LINGO2: variants seen among roughly 807,000 people sequenced by gnomAD.
LINGO2 encodes leucine rich repeat and Ig domain containing 2.
A neutral mutation model predicts 30.6 loss-of-function variants in LINGO2; 14 were observed. That is an observed-to-expected ratio of 0.46 (90% confidence interval 0.30 to 0.72). The LOEUF (loss-of-function observed/expected upper bound fraction) is 0.72, where lower values mean the gene tolerates loss of function less well. Among genes scored for constraint, LINGO2 ranks in the 30% least tolerant of loss-of-function variants. The pLI is 0.07. For missense variants in LINGO2, 729 were observed against 751.7 expected (o/e 0.97, Z 0.35); for synonymous variants, 317 against 288.5 (o/e 1.10, Z -1.00).
chr9:28,340,499 CA>C (rs1825733065), intron 3 of LINGO2, among the ~76,000 whole-genome samples: 1 of 152,036 alleles, frequency 6.6e-6, no homozygotes, highest in Non-Finnish European at 1.5e-5. Context: ...ACATATATCA[CA>C]CTAAAATAAA....
chr9:28,556,585 A>G (rs2135529724), intron 1 of LINGO2, among the ~76,000 whole-genome samples: 1 of 152,280 alleles, frequency 6.6e-6, no homozygotes, highest in African/African-American at 2.4e-5. Flanking sequence ...GGTCATTTAC[A>G]GATTCAATGC....
the LINGO2 span, among the ~76,000 whole-genome samples, chr9:29,082,126 C>A: frequency 2.0e-5 from 3 of 151,878 alleles, no homozygotes; most frequent in Admixed American, 6.6e-5. Context: ...GCCAAGTCAA[C>A]CCTAAGCCAA....
At chr9:28,529,029 G>C (rs1821131058) in intron 1 of LINGO2, among the ~76,000 whole-genome samples, 1 of 152,046 alleles carries the variant, frequency 6.6e-6, no homozygotes, top group Non-Finnish European at 1.5e-5. Context: ...GTATTAGTTA[G>C]AATAATTCTA....
chr9:28,245,879 A>G (rs1821979312), intron 4 of LINGO2, among the ~76,000 whole-genome samples: 1 of 152,222 alleles, frequency 6.6e-6, no homozygotes, highest in African/African-American at 2.4e-5. Flanking sequence ...AAAATAATTT[A>G]TAGATTGAAT....
chr9:28,440,232 G>C (rs894220712), intron 2 of LINGO2, among the ~76,000 whole-genome samples: 23 of 152,156 alleles, frequency 1.5e-4, no homozygotes, highest in African/African-American at 5.5e-4. Context: ...TGGAATTCAG[G>C]ATGCTGAAAA....
chr9:28,898,999 G>A, the LINGO2 span, among the ~76,000 whole-genome samples: 4 of 152,154 alleles, frequency 2.6e-5, no homozygotes, highest in Non-Finnish European at 4.4e-5. Context: ...AGCAATAGGT[G>A]GAGTAGGACC....
rs532900830 is a variant in LINGO2, at chr9:28,399,804, T to C, written c.-278-26936A>G. On this transcript the variant is annotated intron_variant, in intron 2 of 5. Transcript: ENST00000379992. ...TGGGATTTGATTTACAGATGTTTAA[T>C]GTTCATTCTATTTTCAGTTCTAAGA... Among the ~76,000 whole-genome samples, 12 of 152,322 alleles carry C rather than the reference T, an allele frequency of 7.9e-5. No homozygotes were observed. In the South Asian group the frequency reaches 2.5e-3, roughly 32 times the overall value.
chr9:27,966,979 C>G (rs1405410789), intron 5 of LINGO2, among the ~76,000 whole-genome samples: 1 of 152,094 alleles, frequency 6.6e-6, no homozygotes, highest in Non-Finnish European at 1.5e-5. Flanking sequence ...TCGATTGTTC[C>G]ATGAAAAACT....
the LINGO2 span, among the ~76,000 whole-genome samples, chr9:28,808,029 A>G: frequency 2.0e-5 from 3 of 152,214 alleles, no homozygotes; most frequent in Non-Finnish European, 4.4e-5. Flanking sequence ...TAGCATTACC[A>G]ATGATTAGAA....
chr9:28,792,294 A>G, the LINGO2 span, among the ~76,000 whole-genome samples: 1 of 152,008 alleles, frequency 6.6e-6, no homozygotes, highest in Non-Finnish European at 1.5e-5. Flanking sequence ...AAGATGGAAA[A>G]TGGACACTGA....
rs903333492 is a variant in LINGO2, at chr9:28,129,897, A to G, written c.-86-117492T>C. Among the ~76,000 whole-genome samples the G allele has an allele frequency of 6.6e-6, 1 of 152,262 alleles. No individual in the cohort carries two copies. The highest frequency in any genetic ancestry group is 6.5e-5 in the Admixed American group (1 of 15,286). On this transcript the variant is annotated intron_variant, in intron 4 of 5. Transcript: ENST00000379992. This position sits in a 1 kb window ranked among gnomAD's most constrained non-coding sequence, Gnocchi z 4.0. ...AGAAAAAATATGTTGTTCTTTTTAT[A>G]GAATGAGAAATAACTAAGATCCGTG...
chr9:28,072,139 TA>T (rs1825497267), intron 4 of LINGO2, among the ~76,000 whole-genome samples: 1 of 152,190 alleles, frequency 6.6e-6, no homozygotes, highest in Non-Finnish European at 1.5e-5. Flanking sequence ...TACTGACTCC[TA>T]TTTTCCTTTT....
At chr9:28,381,000 C>T (rs1276540508) in intron 2 of LINGO2, among the ~76,000 whole-genome samples, 2 of 152,026 alleles carry the variant, frequency 1.3e-5, no homozygotes, top group South Asian at 2.1e-4. Flanking sequence ...TTCCTCTACA[C>T]AGGGCCCAAA....
intron 4 of LINGO2, among the ~76,000 whole-genome samples, chr9:28,271,081 G>A (rs1822921575): frequency 6.6e-6 from 1 of 151,312 alleles, no homozygotes; most frequent in Non-Finnish European, 1.5e-5. Flanking sequence ...TTCCTGTGAT[G>A]TTCTTGGAAT....
chr9:28,627,860 T>C lies in LINGO2; in HGVS notation c.-365+42340A>G, dbSNP rs574995931. Among the ~76,000 whole-genome samples the C allele has an allele frequency of 2.9e-4, 44 of 152,164 alleles. No individual in the cohort carries two copies. The South Asian group carries it at 9.1e-3, about 32-fold the overall frequency. On this transcript the variant is annotated intron_variant, in intron 1 of 5. Coordinates refer to ENST00000379992, the Ensembl canonical transcript of LINGO2. The stretch of plus-strand genomic sequence containing the variant: ...GATAGTACAAGCTAATGAGATAAAA[T>C]ACCAAGCATTTTATTTTCCCTGTTG...
chr9:28,543,979 C>T (rs1187765077), intron 1 of LINGO2, among the ~76,000 whole-genome samples: 13 of 151,900 alleles, frequency 8.6e-5, no homozygotes, highest in African/African-American at 3.1e-4. Flanking sequence ...CCGAGGCAAG[C>T]GGATCACTTG....
the LINGO2 span, among the ~76,000 whole-genome samples, chr9:28,873,988 A>T: frequency 6.6e-6 from 1 of 152,072 alleles, no homozygotes; most frequent in Admixed American, 6.6e-5. Flanking sequence ...ACATTAACCA[A>T]TTAAGTAAAT....
chr9:28,663,682 TAA>T (rs944907321), intron 1 of LINGO2, among the ~76,000 whole-genome samples: 2 of 152,128 alleles, frequency 1.3e-5, no homozygotes, highest in African/African-American at 4.8e-5. Context: ...CAACAAAATA[TAA>T]GTGACTGAAA....
chr9:29,209,921 A>G, the LINGO2 span, among the ~76,000 whole-genome samples: 1 of 152,128 alleles, frequency 6.6e-6, no homozygotes, highest in African/African-American at 2.4e-5. Flanking sequence ...AGTAACTGAC[A>G]AACCTCTTTG....
Sources: allele counts gnomAD v4.1 joint callset (sites outside exome capture counted in the v4.1 genomes callset), GRCh38; gene constraint gnomAD v4.1.1; non-coding constraint Gnocchi (gnomAD v3.1); transcripts MANE v1.5; gene names NCBI Gene and HGNC (gene_info 2026-07-23, HGNC 2026-07-21).